ARSB: variants seen among roughly 807,000 people sequenced by gnomAD.
The protein encoded by ARSB is N-acetylgalactosamine-4-sulfatase.
A neutral mutation model predicts 50.9 loss-of-function variants in ARSB; 41 were observed. The observed-to-expected ratio is 0.81, with a 90% CI of 0.63 to 1.04. The LOEUF (loss-of-function observed/expected upper bound fraction) is 1.04. Among genes scored for constraint, ARSB ranks in the 50% least tolerant of loss-of-function variants. The pLI, the probability that ARSB is intolerant of heterozygous loss-of-function variation, is 0.00. For missense variants in ARSB, 672 were observed against 693.3 expected, an observed-to-expected ratio of 0.97 and a Z score of 0.35; for synonymous variants, 269 against 284.8, an observed-to-expected ratio of 0.94 and a Z score of 0.56.
chr5:78,923,966 G>T (rs752881897), intron 4 of ARSB, among the ~76,000 whole-genome samples: 8 of 152,116 alleles, frequency 5.3e-5, no homozygotes, highest in Non-Finnish European at 7.4e-5. Context: ...CCTTTTCCAG[G>T]GGGTGCTGGG....
intron 3 of ARSB, among the ~76,000 whole-genome samples, chr5:78,959,991 A>T (rs1485377866): frequency 6.6e-6 from 1 of 152,188 alleles, no homozygotes; most frequent in African/African-American, 2.4e-5. Flanking sequence ...TAAAGCCAGC[A>T]GCTGCCATCA....
chr5:78,826,931 T>C (rs1332102380), intron 6 of ARSB, among the ~76,000 whole-genome samples: 2 of 152,062 alleles, frequency 1.3e-5, no homozygotes, highest in Admixed American at 6.5e-5. Flanking sequence ...GCATTAGGAA[T>C]CACCTATGAC....
chr5:78,853,848 T>C (rs758362060), intron 5 of ARSB, among the ~76,000 whole-genome samples: 1 of 152,352 alleles, frequency 6.6e-6, no homozygotes, highest in Middle Eastern at 3.4e-3. Context: ...TCTGTGGGCA[T>C]AGGACCCTCT....
intron 4 of ARSB, among the ~76,000 whole-genome samples, chr5:78,896,361 G>C (rs2112253968): frequency 6.6e-6 from 1 of 152,264 alleles, no homozygotes; most frequent in Admixed American, 6.5e-5. Context: ...TGGCTCCCTG[G>C]AGGGGAGCCA....
At chr5:78,780,910 G>A (rs1748906959) in intron 7 of ARSB, among the ~76,000 whole-genome samples, 1 of 152,178 alleles carries the variant, frequency 6.6e-6, no homozygotes, top group Admixed American at 6.5e-5. Flanking sequence ...CTTGTCACAA[G>A]GACTAGGGCA....
At chr5:78,872,310 T>C (rs2112156849) in intron 5 of ARSB, among the ~76,000 whole-genome samples, 1 of 151,582 alleles carries the variant, frequency 6.6e-6, no homozygotes, top group African/African-American at 2.4e-5. Context: ...GCCATCCCAT[T>C]ACTGGGCATA....
At chr5:78,863,120 A>G (rs1746531265) in intron 5 of ARSB, among the ~76,000 whole-genome samples, 1 of 152,206 alleles carries the variant, frequency 6.6e-6, no homozygotes. Context: ...GGTGCTGGAG[A>G]GGATGTGGAG....
At chr5:78,980,725 A>AGTGTGTGTGTGTGTGTGTGTGTGT (rs1315709564) in intron 1 of ARSB, among the ~76,000 whole-genome samples, 2 of 91,886 alleles carry the variant, frequency 2.2e-5, no homozygotes, top group African/African-American at 6.0e-5. Context: ...TGTCTAAGGA[A>AGTGTGTGTGTGTGTGTGTGTGTGT]GTGTGTGTAT....
chr5:78,896,122 A>C (rs781523761), intron 4 of ARSB, among the ~76,000 whole-genome samples: 1 of 152,192 alleles, frequency 6.6e-6, no homozygotes, highest in African/African-American at 2.4e-5. Flanking sequence ...GAGGCTTCTC[A>C]CACCACAGTG....
intron 6 of ARSB, among the ~76,000 whole-genome samples, chr5:78,793,394 A>G (rs528950191): frequency 9.8e-5 from 15 of 152,316 alleles, no homozygotes; most frequent in African/African-American, 3.4e-4. Flanking sequence ...TACCTTACAC[A>G]TAGTGGGGAC....
At chr5:78,864,207 G>A (rs1746593966) in intron 5 of ARSB, among the ~76,000 whole-genome samples, 2 of 152,066 alleles carry the variant, frequency 1.3e-5, no homozygotes, top group African/African-American at 4.8e-5. Flanking sequence ...TCATGCTGCT[G>A]ATAAAGACAT....
At chr5:78,924,740 T>G (rs1304205224) in intron 4 of ARSB, among the ~76,000 whole-genome samples, 3 of 152,218 alleles carry the variant, frequency 2.0e-5, no homozygotes, top group South Asian at 4.1e-4. Context: ...GAGCAATATA[T>G]GCCCAAAGCT....
chr5:78,971,251 C>T (rs935343677), intron 1 of ARSB, among the ~76,000 whole-genome samples: 2 of 152,174 alleles, frequency 1.3e-5, no homozygotes, highest in African/African-American at 4.8e-5. Context: ...CCACCCTTCC[C>T]TAAAACTTAA....
At chr5:78,938,139 G>T (rs1750724836) in intron 4 of ARSB, among the ~76,000 whole-genome samples, 1 of 152,150 alleles carries the variant, frequency 6.6e-6, no homozygotes, top group Non-Finnish European at 1.5e-5. Context: ...ACATCCCTGA[G>T]AACAGCCAGA....
intron 4 of ARSB, among the ~76,000 whole-genome samples, chr5:78,931,865 G>A (rs1750341297): frequency 6.6e-6 from 1 of 152,068 alleles, no homozygotes; most frequent in Non-Finnish European, 1.5e-5. Flanking sequence ...ATGATAGTGA[G>A]TAAGTTCTCA....
intron 5 of ARSB, chr5:78,883,634 TTATAAAGC>T (rs1747865784): frequency 6.6e-6 from 1 of 152,120 alleles, no homozygotes. Context: ...TGAAAGAAGG[TTATAAAGC>T]TAATTAAATC....
chr5:78,867,850 G>A (rs1746874941), intron 5 of ARSB, among the ~76,000 whole-genome samples: 2 of 147,658 alleles, frequency 1.4e-5, no homozygotes, highest in South Asian at 2.3e-4. Flanking sequence ...GGCTTCAGAC[G>A]ATCAAATTAC....
At chr5:78,965,051 T>C (rs951717089) in intron 2 of ARSB, among the ~76,000 whole-genome samples, 1 of 152,186 alleles carries the variant, frequency 6.6e-6, no homozygotes, top group Non-Finnish European at 1.5e-5. Flanking sequence ...TCAAGGTTAT[T>C]TACAGAAGTG....
chr5:78,939,972 T>C (rs1561514610), intron 4 of ARSB, among the ~76,000 whole-genome samples: 1 of 152,252 alleles, frequency 6.6e-6, no homozygotes, highest in Non-Finnish European at 1.5e-5. Flanking sequence ...ATGATTGCCA[T>C]TCTAACTGGT....
Sources: gnomAD v4.1 joint callset for allele counts (sites outside exome capture counted in the v4.1 genomes callset) on GRCh38, gnomAD v4.1.1 for gene constraint, MANE v1.5 for transcripts, NCBI Gene and HGNC (gene_info 2026-07-23, HGNC 2026-07-21) for gene names.